The following ARHGAP15 variants were observed in gnomAD, a reference collection of about 807,000 sequenced individuals.
ARHGAP15 encodes Rho GTPase activating protein 15, also known as rho GTPase-activating protein 15.
Under a neutral mutation model 63.7 loss-of-function variants are expected in ARHGAP15, and 51 were observed. The ratio of observed to expected loss-of-function variants is 0.80; its 90% CI spans 0.64 to 1.01. ARHGAP15 has a LOEUF of 1.01. Ranked by LOEUF, ARHGAP15 falls within the 50% of genes least tolerant of loss-of-function variation. ARHGAP15 has a pLI of 0.00. For missense variants in ARHGAP15, 560 were observed against 564.6 expected (o/e 0.99, Z 0.08); for synonymous variants, 191 against 193.8 (o/e 0.99, Z 0.12).
At chr2:143,751,071 A>C (rs988140308) in intron 13 of ARHGAP15, among the ~76,000 whole-genome samples, 5 of 152,180 alleles carry the variant, frequency 3.3e-5, no homozygotes, top group African/African-American at 4.8e-5. Flanking sequence ...CACAGGTTAG[A>C]TTTAACATGG....
chr2:143,465,205 G>A (rs1691141961), intron 8 of ARHGAP15, among the ~76,000 whole-genome samples: 1 of 152,032 alleles, frequency 6.6e-6, no homozygotes, highest in Non-Finnish European at 1.5e-5. Context: ...TCAGCCAAAG[G>A]CTCTAAGATG....
chr2:143,689,935 T>C (rs545503051), intron 12 of ARHGAP15, among the ~76,000 whole-genome samples: 1 of 152,128 alleles, frequency 6.6e-6, no homozygotes, highest in Non-Finnish European at 1.5e-5. Context: ...TGAAGAGAAG[T>C]CTTGATGTGT....
intron 12 of ARHGAP15, among the ~76,000 whole-genome samples, chr2:143,656,899 A>AC (rs1454003326): frequency 2.0e-5 from 3 of 149,156 alleles, no homozygotes; most frequent in Admixed American, 6.7e-5. Context: ...TCTATTTTGG[A>AC]CAGACATGGA....
intron 8 of ARHGAP15, among the ~76,000 whole-genome samples, chr2:143,469,755 T>C (rs1347462346): frequency 6.6e-6 from 1 of 152,258 alleles, no homozygotes; most frequent in South Asian, 2.1e-4. Context: ...GGGGAAATGA[T>C]AATACTTTGG....
At chr2:143,541,102 G>C (rs4374318) in intron 10 of ARHGAP15, among the ~76,000 whole-genome samples, 124,653 of 152,098 alleles carry the variant, frequency 0.82, 51,184 homozygotes, top group South Asian at 0.85. Context: ...CTCTAAACTT[G>C]TCTTCATGCT....
At chr2:143,748,690 G>T (rs1686258792) in intron 13 of ARHGAP15, among the ~76,000 whole-genome samples, 1 of 152,148 alleles carries the variant, frequency 6.6e-6, no homozygotes, top group African/African-American at 2.4e-5. Context: ...AAGGTAAAGT[G>T]TATTAACTTT....
At chr2:143,518,837 T>G (rs1021291467) in intron 9 of ARHGAP15, 1 of 156,806 alleles carries the variant, frequency 6.4e-6, no homozygotes, top group Non-Finnish European at 1.4e-5. Context: ...TACTATTGAG[T>G]TGCAGAATGA....
chr2:143,484,625 T>C (rs775960942), intron 8 of ARHGAP15, among the ~76,000 whole-genome samples: 2 of 152,194 alleles, frequency 1.3e-5, no homozygotes, highest in Non-Finnish European at 2.9e-5. Flanking sequence ...CTGCCATGTA[T>C]ATAGTAGGTG....
At chr2:143,180,626 G>A (rs531438191) in intron 2 of ARHGAP15, among the ~76,000 whole-genome samples, 41 of 152,170 alleles carry the variant, frequency 2.7e-4, no homozygotes, top group Middle Eastern at 3.4e-3. Context: ...ATCCATCAGC[G>A]GAATCACTGC....
chr2:143,576,463 G>A (rs1696684882), intron 11 of ARHGAP15, among the ~76,000 whole-genome samples: 1 of 151,978 alleles, frequency 6.6e-6, no homozygotes. Flanking sequence ...TATTTAAAAA[G>A]AAAAAACCAA....
At chr2:143,742,618 C>T (rs1357294823) in intron 13 of ARHGAP15, among the ~76,000 whole-genome samples, 1 of 152,156 alleles carries the variant, frequency 6.6e-6, no homozygotes, top group Non-Finnish European at 1.5e-5. Context: ...CAAAACGATT[C>T]CAATCTGAGG....
At chr2:143,609,566 A>G (rs1223285711) in intron 11 of ARHGAP15, among the ~76,000 whole-genome samples, 1 of 152,192 alleles carries the variant, frequency 6.6e-6, no homozygotes, top group African/African-American at 2.4e-5. Context: ...AAAAGTTTCT[A>G]TAAAATTCAA....
intron 11 of ARHGAP15, among the ~76,000 whole-genome samples, chr2:143,566,754 A>C (rs1696241180): frequency 6.6e-6 from 1 of 152,118 alleles, no homozygotes; most frequent in African/African-American, 2.4e-5. Flanking sequence ...TTCCACAGTC[A>C]GGTCACCTTC....
intron 9 of ARHGAP15, among the ~76,000 whole-genome samples, chr2:143,491,995 C>T (rs185519779): frequency 6.6e-6 from 1 of 152,278 alleles, no homozygotes; most frequent in Admixed American, 6.5e-5. Flanking sequence ...AATTCTCCTG[C>T]CTCAGCTTCC....
chr2:143,269,057 T>C (rs1681139318), intron 6 of ARHGAP15, among the ~76,000 whole-genome samples: 1 of 152,162 alleles, frequency 6.6e-6, no homozygotes, highest in Non-Finnish European at 1.5e-5. Flanking sequence ...GAGAAAAGAC[T>C]ATGGTTTGCA....
intron 11 of ARHGAP15, among the ~76,000 whole-genome samples, chr2:143,567,804 G>A (rs79978834): frequency 7.9e-5 from 12 of 152,222 alleles, no homozygotes; most frequent in South Asian, 4.2e-4. Flanking sequence ...CTCACCTTCC[G>A]TTTGCCAGAG....
intron 1 of ARHGAP15, among the ~76,000 whole-genome samples, chr2:143,143,338 A>G (rs781723975): frequency 2.6e-5 from 4 of 152,066 alleles, no homozygotes; most frequent in Non-Finnish European, 5.9e-5. Context: ...TAAGGTGTAC[A>G]TATACAATAT....
intron 13 of ARHGAP15, among the ~76,000 whole-genome samples, chr2:143,712,517 C>T (rs577168781): frequency 8.6e-5 from 13 of 152,046 alleles, no homozygotes; most frequent in African/African-American, 2.9e-4. Flanking sequence ...TCCAAGGGAC[C>T]GTGTGAACCC....
chr2:143,609,679 C>A (rs1329575164), intron 11 of ARHGAP15, among the ~76,000 whole-genome samples: 1 of 152,108 alleles, frequency 6.6e-6, no homozygotes, highest in Non-Finnish European at 1.5e-5. Context: ...GTAATCTTCT[C>A]TTTGCCCCCC....
Sources: gnomAD v4.1 joint callset for allele counts (sites outside exome capture counted in the v4.1 genomes callset) on GRCh38, gnomAD v4.1.1 for gene constraint, MANE v1.5 for transcripts, NCBI Gene and HGNC (gene_info 2026-07-23, HGNC 2026-07-21) for gene names.